Variants in SLC16A10 observed in about 807,000 individuals in gnomAD.
SLC16A10 encodes monocarboxylate transporter 10.
A neutral mutation model predicts 40.0 loss-of-function variants in SLC16A10; 27 were observed. The observed-to-expected ratio is 0.67, with a 90% CI of 0.50 to 0.93. SLC16A10 has a LOEUF of 0.93. SLC16A10 is among the 40% of genes least tolerant of loss of function. The pLI is 0.00. For missense variants in SLC16A10, 529 were observed against 658.2 expected, an observed-to-expected ratio of 0.80 and a Z score of 2.15; for synonymous variants, 213 against 249.8, an observed-to-expected ratio of 0.85 and a Z score of 1.39.
rs536057068 is a variant in SLC16A10 at position 111,170,606 on chromosome 6, C to T, written c.344-2089C>T. On this transcript the variant is annotated intron_variant, in intron 1 of 5. Transcript: ENST00000368851. ...CTGGGATTACAGGCACCCACCACCA[C>T]GCCTGGCTAATTTTTGTATTTTAGT... Among the ~76,000 whole-genome samples, 235 of 152,132 alleles carry T rather than the reference C, an allele frequency of 1.5e-3. 5 individuals carry two copies. Among genetic ancestry groups the T allele is most frequent in the Admixed American group, 0.012 (183 of 15,300 alleles).
chr6:111,172,468 A>G (rs1278317882), intron 1 of SLC16A10, among the ~76,000 whole-genome samples: 1 of 152,188 alleles, frequency 6.6e-6, no homozygotes, highest in East Asian at 1.9e-4. Flanking sequence ...AAACATATCT[A>G]TGGTTTTATA....
chr6:111,182,310 C>CTTTTTTTTTTTTT (rs372963281), intron 3 of SLC16A10, among the ~76,000 whole-genome samples: 1 of 103,624 alleles, frequency 9.7e-6, no homozygotes, highest in Admixed American at 1.2e-4. Context: ...CTCTGGGTTT[C>CTTTTTTTTTTTTT]TTTTTTTTTT....
chr6:111,182,889 G>A (rs1054535001), intron 3 of SLC16A10, among the ~76,000 whole-genome samples: 13 of 152,054 alleles, frequency 8.5e-5, no homozygotes, highest in Admixed American at 2.6e-4. Context: ...TCCAGGATCT[G>A]ACCACCTCTC....
At chr6:111,192,139 T>C (rs1314677118) in intron 3 of SLC16A10, among the ~76,000 whole-genome samples, 1 of 152,224 alleles carries the variant, frequency 6.6e-6, no homozygotes, top group Non-Finnish European at 1.5e-5. Flanking sequence ...CTAAGGTTTT[T>C]ATGGTTCTGT....
intron 1 of SLC16A10, among the ~76,000 whole-genome samples, chr6:111,127,817 G>A (rs1771703480): frequency 6.6e-6 from 1 of 152,182 alleles, no homozygotes; most frequent in Non-Finnish European, 1.5e-5. Flanking sequence ...GGAAATGGGT[G>A]AAAAGGCTAT....
rs536785151 is a variant in SLC16A10 at position 111,152,334 on chromosome 6, T to C, written c.344-20361T>C. On this transcript the variant is annotated intron_variant, in intron 1 of 5. Transcript: ENST00000368851. ...ATGAAGACAGGGATTAGTGTCTGTTTTGTTCACTGCTGTTTTCTCAGCATC... is the reference window on the plus strand; with the variant it reads ...ATGAAGACAGGGATTAGTGTCTGTTCTGTTCACTGCTGTTTTCTCAGCATC... Among the ~76,000 whole-genome samples the C allele has an allele frequency of 6.6e-5, 10 of 152,358 alleles. No homozygotes were observed. In the South Asian group the frequency reaches 1.4e-3, roughly 22 times the overall value.
chr6:111,161,491 G>T (rs1327687808), intron 1 of SLC16A10, among the ~76,000 whole-genome samples: 1 of 151,992 alleles, frequency 6.6e-6, no homozygotes, highest in East Asian at 1.9e-4. Context: ...ACATCTAACT[G>T]CCATTAGAAT....
chr6:111,201,309 G>C (rs1773164529), intron 3 of SLC16A10, among the ~76,000 whole-genome samples: 1 of 152,182 alleles, frequency 6.6e-6, no homozygotes, highest in South Asian at 2.1e-4. Context: ...GGTGGGGGTA[G>C]AGGGGTTGTT....
intron 1 of SLC16A10, among the ~76,000 whole-genome samples, chr6:111,110,346 A>AG (rs1436167416): frequency 3.2e-5 from 2 of 62,566 alleles, no homozygotes; most frequent in African/African-American, 8.8e-5. Context: ...CGAGGGTAAC[A>AG]ATTTTTTTTT....
intron 1 of SLC16A10, among the ~76,000 whole-genome samples, chr6:111,133,776 T>C (rs911142819): frequency 6.6e-6 from 1 of 152,010 alleles, no homozygotes; most frequent in African/African-American, 2.4e-5. Flanking sequence ...CAAAAGGACA[T>C]AGACAAAGGA....
chr6:111,204,628 A>G (rs1430649461), intron 3 of SLC16A10, among the ~76,000 whole-genome samples: 1 of 152,198 alleles, frequency 6.6e-6, no homozygotes, highest in Admixed American at 6.5e-5. Context: ...AACCTGTCCT[A>G]CTGGGCCAGA....
intron 1 of SLC16A10, among the ~76,000 whole-genome samples, chr6:111,168,963 G>T (rs1772532488): frequency 6.6e-6 from 1 of 152,104 alleles, no homozygotes; most frequent in Admixed American, 6.5e-5. Flanking sequence ...ATCTCTCCTT[G>T]TTCTCTCACT....
intron 1 of SLC16A10, among the ~76,000 whole-genome samples, chr6:111,168,203 C>T (rs1772514650): frequency 6.6e-6 from 1 of 152,192 alleles, no homozygotes; most frequent in Admixed American, 6.5e-5. Context: ...TGGTCTCGAA[C>T]TCCTGACCTC....
At chr6:111,203,645 C>T (rs1398346034) in intron 3 of SLC16A10, among the ~76,000 whole-genome samples, 1 of 151,642 alleles carries the variant, frequency 6.6e-6, no homozygotes, top group Non-Finnish European at 1.5e-5. Flanking sequence ...TCGCTTGAAC[C>T]AGGTAGGTGG....
At chr6:111,110,434 G>T (rs996739159) in intron 1 of SLC16A10, among the ~76,000 whole-genome samples, 5 of 151,938 alleles carry the variant, frequency 3.3e-5, no homozygotes, top group Non-Finnish European at 7.4e-5. Flanking sequence ...GTTACTAAAG[G>T]TCTAATTGAT....
At chr6:111,211,875 CT>C (rs1254058209) in intron 4 of SLC16A10, among the ~76,000 whole-genome samples, 1 of 152,214 alleles carries the variant, frequency 6.6e-6, no homozygotes, top group Non-Finnish European at 1.5e-5. Context: ...GGCTCTCTGC[CT>C]TTTGGCCCAT....
chr6:111,157,968 G>A (rs1215862519), intron 1 of SLC16A10, among the ~76,000 whole-genome samples: 2 of 150,968 alleles, frequency 1.3e-5, no homozygotes, highest in Non-Finnish European at 2.9e-5. Context: ...TTGACTTATA[G>A]CCAGAAAAGA....
intron 1 of SLC16A10, among the ~76,000 whole-genome samples, chr6:111,153,306 G>A (rs755092348): frequency 1.3e-5 from 2 of 152,138 alleles, no homozygotes; most frequent in Non-Finnish European, 2.9e-5. Context: ...AGGCCAAGGC[G>A]GGAGGATTTC....
rs1770831375 is a variant in SLC16A10 at position 111,218,820 on chromosome 6, T to C, written c.1093T>C (p.Ser365Pro). The change falls in exon 5 of 6, where the codon TCC becomes CCC. Residue 365 changes from serine to proline, a missense_variant. Transcript: ENST00000368851. ...CTTGTGGTGTCCGTCCTAGGTACTC[T>C]CCTTTTTCTTCATTGGTCTGATGTC... The part of the protein sequence containing the change: ...GVKKVYLQVL[S>P]FFFIGLMSMM... 3.7e-6 allele frequency: 6 copies of C among 1,614,132 alleles called. No individual in the cohort carries two copies. Among genetic ancestry groups the C allele is most frequent in the Non-Finnish European group, 5.1e-6 (6 of 1,179,986 alleles).
Sources: allele counts gnomAD v4.1 joint callset (sites outside exome capture counted in the v4.1 genomes callset), GRCh38; gene constraint gnomAD v4.1.1; transcripts MANE v1.5; gene names NCBI Gene and HGNC (gene_info 2026-07-23, HGNC 2026-07-21).